ATP8A2: variants seen among roughly 807,000 people sequenced by gnomAD.
ATP8A2 encodes the protein phospholipid-transporting ATPase IB.
A neutral mutation model predicts 165.6 loss-of-function variants in ATP8A2; 100 were observed. The observed-to-expected ratio is 0.60, with a 90% confidence interval of 0.51 to 0.71. The LOEUF is 0.71. Among genes scored for constraint, ATP8A2 ranks in the 30% least tolerant of loss-of-function variants. The pLI is 0.00. For synonymous variants in ATP8A2, 543 were observed against 548.8 expected (o/e 0.99, Z 0.15); for missense variants, 1,227 against 1,479.5 (o/e 0.83, Z 2.80).
In ATP8A2 at chr13:25,512,454, C is replaced by T. The variant is rs577925506; in HGVS notation, c.222-17545C>T. 5.7e-4 allele frequency among the ~76,000 whole-genome samples: 86 copies of T among 152,132 alleles called. 1 individual carries two copies. Among genetic ancestry groups the T allele is most frequent in the Admixed American group, 2.9e-3 (44 of 15,306 alleles). ...GGGGCTCCTCACTTCCCAGTGGGGGCGGCCAGGCAGAGGCACCCCTCATCT... is the reference window on the plus strand; with the variant it reads ...GGGGCTCCTCACTTCCCAGTGGGGGTGGCCAGGCAGAGGCACCCCTCATCT... On this transcript the variant is annotated intron_variant, in intron 2 of 36. Transcript: ENST00000381655.
intron 2 of ATP8A2, among the ~76,000 whole-genome samples, chr13:25,469,570 T>C (rs2035783743): frequency 6.6e-6 from 1 of 152,190 alleles, no homozygotes; most frequent in Non-Finnish European, 1.5e-5. Flanking sequence ...TTCTCAGTGG[T>C]CCACGACAAT....
intron 36 of ATP8A2, among the ~76,000 whole-genome samples, chr13:26,017,822 C>G (rs1395349929): frequency 6.6e-6 from 1 of 152,204 alleles, no homozygotes; most frequent in Non-Finnish European, 1.5e-5. Flanking sequence ...ATGCTGCCTT[C>G]AGGCTCAGAC....
chr13:25,552,260 T>C (rs528620839), intron 11 of ATP8A2, among the ~76,000 whole-genome samples: 1 of 152,238 alleles, frequency 6.6e-6, no homozygotes, highest in South Asian at 2.1e-4. Flanking sequence ...GTGCTGGGAT[T>C]ACAGGTGTGA....
At chr13:25,699,696 T>C (rs1352446610) in intron 25 of ATP8A2, among the ~76,000 whole-genome samples, 1 of 152,168 alleles carries the variant, frequency 6.6e-6, no homozygotes, top group Non-Finnish European at 1.5e-5. Flanking sequence ...ACTTCCAAGA[T>C]GTGTGGGGCT....
intron 24 of ATP8A2, among the ~76,000 whole-genome samples, chr13:25,659,164 A>G (rs573701255): frequency 1.3e-5 from 2 of 152,342 alleles, no homozygotes; most frequent in African/African-American, 2.4e-5. Context: ...CACTCCAGGC[A>G]GTCTTGCAAA....
chr13:25,454,174 C>T (rs2035301454), intron 1 of ATP8A2, among the ~76,000 whole-genome samples: 1 of 152,136 alleles, frequency 6.6e-6, no homozygotes, highest in Non-Finnish European at 1.5e-5. Flanking sequence ...CGTTTGGCTC[C>T]CTGTGTTGTT....
intron 24 of ATP8A2, among the ~76,000 whole-genome samples, chr13:25,671,951 C>A (rs1369242335): frequency 6.6e-6 from 1 of 152,214 alleles, no homozygotes; most frequent in African/African-American, 2.4e-5. Flanking sequence ...CGTGTGATGT[C>A]TCCCCCGGAT....
At chr13:25,431,011 C>CAT (rs1187665145) in intron 1 of ATP8A2, among the ~76,000 whole-genome samples, 2 of 151,100 alleles carry the variant, frequency 1.3e-5, no homozygotes, top group East Asian at 1.9e-4. Context: ...CACACACACA[C>CAT]ATATATATAC....
intron 35 of ATP8A2, among the ~76,000 whole-genome samples, chr13:25,993,684 T>C (rs1413775924): frequency 6.6e-6 from 1 of 152,232 alleles, no homozygotes; most frequent in African/African-American, 2.4e-5. Context: ...TTTGTTTCTG[T>C]CTTCTAGTCT....
In ATP8A2 at chr13:25,968,659, G is replaced by A; in HGVS notation, c.3357G>A (p.Leu1119=). 6.2e-7 allele frequency: 1 copy of A among 1,613,554 alleles called. No homozygotes were observed. The highest frequency in any genetic ancestry group is 8.5e-7 in the Non-Finnish European group (1 of 1,179,882). Residue 1119 remains leucine (L), a synonymous_variant, in exon 35 of 37, where the codon CTG becomes CTA. Coordinates refer to ENST00000381655, the MANE Select transcript of ATP8A2 (RefSeq NM_016529.6). ...TKSRVLGKAV[L]RDSNGKRLNE... is the part of the protein sequence containing the mutation. ...CTCGAGTCCTGGGAAAAGCGGTGCT[G>A]CGGGATAGCAATGGAAAGAGGTGGG...
chr13:25,378,289 A>G (rs2032710117), intron 1 of ATP8A2, among the ~76,000 whole-genome samples: 3 of 152,044 alleles, frequency 2.0e-5, no homozygotes, highest in Non-Finnish European at 4.4e-5. Context: ...AGCTTATCAT[A>G]TAATATTTCA....
chr13:25,550,830 G>A (rs1444185402), intron 10 of ATP8A2, among the ~76,000 whole-genome samples: 6 of 152,176 alleles, frequency 3.9e-5, no homozygotes, highest in Non-Finnish European at 7.3e-5. Flanking sequence ...TGATATGTAT[G>A]TGTTTGTGTA....
At chr13:25,790,653 CATTGTA>C (rs1041040170) in intron 27 of ATP8A2, among the ~76,000 whole-genome samples, 2 of 148,764 alleles carry the variant, frequency 1.3e-5, no homozygotes, top group Non-Finnish European at 3.0e-5. Flanking sequence ...GTGATTGCAA[CATTGTA>C]CTCCAGCCTG....
In ATP8A2 at chr13:25,737,906, G is replaced by C. The variant is rs566646981; in HGVS notation, c.2385-31140G>C. Among the ~76,000 whole-genome samples the C allele has an allele frequency of 5.3e-5, 8 of 152,094 alleles. No individual in the cohort carries two copies. In the South Asian group the frequency reaches 6.2e-4, roughly 12 times the overall value. ...TCACCGTGTTAGCCAGGATGGTCTC[G>C]ATCTCCTGACCTCGTGATCCGCCCC... is the stretch of plus-strand genomic sequence containing the variant. On this transcript the variant is annotated intron_variant, in intron 25 of 36. Coordinates refer to ENST00000381655, the MANE Select transcript of ATP8A2 (RefSeq NM_016529.6).
chr13:25,955,970 A>T (rs756792936), intron 33 of ATP8A2, among the ~76,000 whole-genome samples: 1 of 152,236 alleles, frequency 6.6e-6, no homozygotes, highest in African/African-American at 2.4e-5. Context: ...CTGGTTCAAC[A>T]TACGCAAATC....
At chr13:25,745,189 C>T (rs893203258) in intron 25 of ATP8A2, among the ~76,000 whole-genome samples, 16 of 152,096 alleles carry the variant, frequency 1.1e-4, no homozygotes, top group Non-Finnish European at 1.5e-4. Context: ...GTGATCCACC[C>T]GCCTCGGCCT....
intron 1 of ATP8A2, among the ~76,000 whole-genome samples, chr13:25,390,097 C>T (rs566850298): frequency 7.2e-5 from 11 of 152,322 alleles, no homozygotes; most frequent in Admixed American, 1.3e-4. Flanking sequence ...CAGGTTCAAA[C>T]GATTCTCCTA....
Position 25,589,654 on chromosome 13 carries a change from A to T in ATP8A2, c.2166A>T (p.Val722=). Reference sequence around the variant, plus strand: ...CTTCAGGGTATTCCTGCCGATTGGTATCGCAGAATATGGCCCTTATCCTAT... The same window carrying T: ...CTTCAGGGTATTCCTGCCGATTGGTTTCGCAGAATATGGCCCTTATCCTAT... The part of the protein sequence containing the change: ...AINIGYSCRL[V]SQNMALILLK... The change falls in exon 24 of 37, where the codon GTA becomes GTT. Residue 722 remains valine (V), a synonymous_variant. Transcript: ENST00000381655. 1 of 1,612,292 alleles carries T rather than the reference A, an allele frequency of 6.2e-7. No homozygotes were observed. Among genetic ancestry groups the T allele is most frequent in the Non-Finnish European group, 8.5e-7 (1 of 1,178,528 alleles).
At chr13:25,720,862 G>A (rs984025809) in intron 25 of ATP8A2, among the ~76,000 whole-genome samples, 1 of 152,078 alleles carries the variant, frequency 6.6e-6, no homozygotes, top group Non-Finnish European at 1.5e-5. Flanking sequence ...TAAAAACCCT[G>A]TGGGAGGAAG....
Sources: allele counts gnomAD v4.1 joint callset (sites outside exome capture counted in the v4.1 genomes callset), GRCh38; gene constraint gnomAD v4.1.1; transcripts MANE v1.5; gene names NCBI Gene and HGNC (gene_info 2026-07-23, HGNC 2026-07-21).